Variants in CCDC178 observed in about 807,000 individuals in gnomAD.
CCDC178 encodes the protein coiled-coil domain-containing protein 178.
A neutral mutation model predicts 117.4 loss-of-function variants in CCDC178; 126 were observed. That is an observed-to-expected ratio of 1.07 (90% confidence interval 0.93 to 1.24). The LOEUF is 1.24. Ranked by LOEUF, CCDC178 falls within the 50% of genes most tolerant of loss-of-function variation. CCDC178 has a pLI of 0.00. For synonymous variants in CCDC178, 283 were observed against 313.4 expected (o/e 0.90, Z 1.02); for missense variants, 1,030 against 986.9 (o/e 1.04, Z -0.59).
chr18:33,402,848 G>T (rs1420756762), intron 3 of CCDC178, among the ~76,000 whole-genome samples: 1 of 152,164 alleles, frequency 6.6e-6, no homozygotes, highest in Non-Finnish European at 1.5e-5. Context: ...TACAGCTGCT[G>T]CACCGCCATG....
At chr18:32,938,299 C>T (rs560827458) in intron 22 of CCDC178, 5 of 486,194 alleles carry the variant, frequency 1.0e-5, no homozygotes, top group Non-Finnish European at 1.8e-5. Flanking sequence ...AAATTAAAGT[C>T]CAACTAACTT....
chr18:33,376,515 T>C (rs1409633906), intron 5 of CCDC178, among the ~76,000 whole-genome samples: 1 of 152,162 alleles, frequency 6.6e-6, no homozygotes, highest in Non-Finnish European at 1.5e-5. Context: ...TATGGTGTAA[T>C]GCTGAGGTTT....
intron 12 of CCDC178, among the ~76,000 whole-genome samples, chr18:33,273,717 A>G (rs1366313768): frequency 6.6e-6 from 1 of 151,724 alleles, no homozygotes; most frequent in Non-Finnish European, 1.5e-5. Flanking sequence ...AAAATTAACT[A>G]AACTTGGATT....
intron 15 of CCDC178, among the ~76,000 whole-genome samples, chr18:33,244,210 T>C (rs2059520444): frequency 1.3e-5 from 2 of 151,990 alleles, no homozygotes; most frequent in African/African-American, 4.8e-5. Flanking sequence ...ATGTTGGAAA[T>C]GGTGTACAGA....
At chr18:33,084,845 T>C (rs1225118521) in intron 21 of CCDC178, among the ~76,000 whole-genome samples, 2 of 151,872 alleles carry the variant, frequency 1.3e-5, no homozygotes, top group African/African-American at 4.8e-5. Context: ...TTTGGATTAA[T>C]TTCTCCAATT....
rs767747057 is a variant in CCDC178 at position 33,092,865 on chromosome 18, CTT to C, written c.2282_2283del (p.Gln761ArgfsTer21). 4 of 1,577,416 alleles carry C rather than the reference CTT, an allele frequency of 2.5e-6. No homozygotes were observed. The highest frequency in any genetic ancestry group is 1.2e-5 in the South Asian group (1 of 84,930). On this transcript the variant is annotated frameshift_variant, in exon 21 of 23. Coordinates refer to ENST00000383096, the MANE Select transcript of CCDC178 (RefSeq NM_001105528.4). LOFTEE classifies it high-confidence loss of function. ...AATGTAATCTGTAGCTGTTGATACT[CTT>C]GAGCTAAACGCAGATTTTCTTCAAG... ...DSLEENLRLA[Q>X]EYQQLQITFL... is the part of the protein sequence containing the mutation.
rs535980605 is a variant in CCDC178, at chr18:32,972,048, C to T, written c.2523+2499G>A. On this transcript the variant is annotated intron_variant, in intron 22 of 22. Coordinates refer to ENST00000383096, the MANE Select transcript of CCDC178 (RefSeq NM_001105528.4). The stretch of plus-strand genomic sequence containing the variant: ...ATTAGATCCCATTTGCCAATTTTGG[C>T]TTTTTTTGAAATTGGTTTTGGTGTT... 2.6e-5 allele frequency among the ~76,000 whole-genome samples: 4 copies of T among 152,110 alleles called. No homozygotes were observed. The South Asian group carries it at 8.3e-4, about 32-fold the overall frequency.
At chr18:33,421,955 C>T (rs1003735758) in intron 2 of CCDC178, among the ~76,000 whole-genome samples, 11 of 152,102 alleles carry the variant, frequency 7.2e-5, no homozygotes, top group East Asian at 1.9e-4. Context: ...ACTTCAGAAA[C>T]GAAACAGAAG....
At chr18:33,376,327 A>G (rs1299974012) in intron 5 of CCDC178, among the ~76,000 whole-genome samples, 1 of 152,188 alleles carries the variant, frequency 6.6e-6, no homozygotes, top group Non-Finnish European at 1.5e-5. Flanking sequence ...TGCCCTGCTC[A>G]TACCTGAGAG....
intron 20 of CCDC178, among the ~76,000 whole-genome samples, chr18:33,100,156 G>C (rs2145097810): frequency 6.6e-6 from 1 of 151,940 alleles, no homozygotes; most frequent in Non-Finnish European, 1.5e-5. Flanking sequence ...ACTTCCGTTA[G>C]CTGCCCTACC....
intron 21 of CCDC178, among the ~76,000 whole-genome samples, chr18:33,018,902 T>C (rs1452789909): frequency 1.3e-5 from 2 of 152,130 alleles, no homozygotes; most frequent in African/African-American, 2.4e-5. Flanking sequence ...TATATATCAA[T>C]AAGGCTGTTA....
intron 9 of CCDC178, among the ~76,000 whole-genome samples, chr18:33,345,411 C>T (rs1318426505): frequency 6.6e-6 from 1 of 152,006 alleles, no homozygotes; most frequent in Non-Finnish European, 1.5e-5. Context: ...CCTTTTTTAC[C>T]TTTCGTTAAA....
intron 21 of CCDC178, among the ~76,000 whole-genome samples, chr18:33,051,008 G>A (rs2056738468): frequency 6.6e-6 from 1 of 152,098 alleles, no homozygotes; most frequent in African/African-American, 2.4e-5. Context: ...CGCTTCTCAG[G>A]TTCAAGTGAT....
At chr18:32,965,846 T>C (rs916857778) in intron 22 of CCDC178, among the ~76,000 whole-genome samples, 1 of 150,666 alleles carries the variant, frequency 6.6e-6, no homozygotes, top group East Asian at 1.9e-4. Flanking sequence ...TATTTGGCAT[T>C]TTTTCATATA....
At chr18:33,195,366 T>C (rs560280265) in intron 20 of CCDC178, among the ~76,000 whole-genome samples, 2 of 152,148 alleles carry the variant, frequency 1.3e-5, no homozygotes, top group South Asian at 2.1e-4. Context: ...CTGAGAAAAT[T>C]TGATAGGAGA....
At chr18:33,064,340 G>A (rs565684011) in intron 21 of CCDC178, among the ~76,000 whole-genome samples, 1 of 152,242 alleles carries the variant, frequency 6.6e-6, no homozygotes, top group East Asian at 1.9e-4. Flanking sequence ...ATTCAGTAGG[G>A]ACAGATATCG....
chr18:33,354,700 TCC>T (rs1317269766), intron 7 of CCDC178, among the ~76,000 whole-genome samples: 2 of 148,922 alleles, frequency 1.3e-5, no homozygotes, highest in African/African-American at 4.9e-5. Context: ...AACCTCCACC[TCC>T]CGGGTTCAAG....
At chr18:33,394,981 ATATATATG>A (rs1176086132) in intron 4 of CCDC178, among the ~76,000 whole-genome samples, 67 of 135,698 alleles carry the variant, frequency 4.9e-4, no homozygotes, top group African/African-American at 1.7e-3. Flanking sequence ...ATATATATAT[ATATATATG>A]TATACATATA....
rs546624012 is a variant in CCDC178 at position 33,222,985 on chromosome 18, C to T, written c.1932+121G>A. ...GAGTGTGTGCGCTTTTATCCCTAGT[C>T]GATTTAGTGCAATCAATAAGAAATG... On this transcript the variant is annotated intron_variant, in intron 18 of 22. Coordinates refer to ENST00000383096, the MANE Select transcript of CCDC178 (RefSeq NM_001105528.4). The T allele has an allele frequency of 9.6e-5, 66 of 689,470 alleles. No individual in the cohort carries two copies. In the African/African-American group the frequency reaches 1.1e-3, roughly 11 times the overall value. 42.7% of individuals were successfully genotyped at this position (689,470 alleles called of 1,614,324 possible).
Sources: gnomAD v4.1 joint callset for allele counts (sites outside exome capture counted in the v4.1 genomes callset) on GRCh38, gnomAD v4.1.1 for gene constraint, MANE v1.5 for transcripts, NCBI Gene and HGNC (gene_info 2026-07-23, HGNC 2026-07-21) for gene names.